DOCK1: variants seen among roughly 807,000 people sequenced by gnomAD.
DOCK1 encodes the protein dedicator of cytokinesis protein 1.
DOCK1 carries 138 observed loss-of-function variants against 262.7 expected under a neutral mutation model. That is an observed-to-expected ratio of 0.53 (90% confidence interval 0.46 to 0.61). The LOEUF (loss-of-function observed/expected upper bound fraction) is 0.61, where lower values mean the gene tolerates loss of function less well. DOCK1 is among the 20% of genes least tolerant of loss of function. DOCK1 has a pLI of 0.00. For synonymous variants in DOCK1, 866 were observed against 867.4 expected, an observed-to-expected ratio of 1.00 and a Z score of 0.03; for missense variants, 1,908 against 2,370.7, an observed-to-expected ratio of 0.80 and a Z score of 4.05.
intron 42 of DOCK1, among the ~76,000 whole-genome samples, chr10:127,410,568 C>T (rs867170421): frequency 1.2e-4 from 18 of 152,234 alleles, no homozygotes; most frequent in South Asian, 2.1e-4. Context: ...CTTCGCTTCA[C>T]CTTTCCTCTG....
intron 24 of DOCK1, 58 bp downstream of exon 24, chr10:127,106,359 T>C: frequency 6.5e-7 from 1 of 1,542,496 alleles, no homozygotes; most frequent in African/African-American, 1.4e-5. Context: ...TCCTTCTCAG[T>C]GTGCTTAGTT....
chr10:127,330,926 A>G (rs143001476), intron 29 of DOCK1, among the ~76,000 whole-genome samples: 35 of 152,344 alleles, frequency 2.3e-4, no homozygotes, highest in Non-Finnish European at 3.5e-4. Context: ...CTCTGATGTC[A>G]AAAGTTCAAA....
intron 3 of DOCK1, among the ~76,000 whole-genome samples, chr10:126,980,450 C>T (rs763682652): frequency 1.3e-5 from 2 of 152,316 alleles, no homozygotes; most frequent in South Asian, 4.1e-4. Flanking sequence ...GTGATCCTCT[C>T]ACCTTGGCTT....
chr10:127,052,593 G>A, intron 21 of DOCK1, 88 bp from the exon 22 acceptor site: 1 of 1,557,730 alleles, frequency 6.4e-7, no homozygotes, highest in Non-Finnish European at 8.8e-7. Context: ...CCAAATAAAA[G>A]TAACCTACTT....
At chr10:127,396,229 A>G (rs1365571037) in intron 38 of DOCK1, among the ~76,000 whole-genome samples, 2 of 127,064 alleles carry the variant, frequency 1.6e-5, no homozygotes, top group Admixed American at 1.5e-4. Context: ...GCCAGTTCAC[A>G]GCTGCAGTGA....
rs1185776447 is a variant in DOCK1 at position 126,909,393 on chromosome 10, T to C, written c.46+3830T>C. On this transcript the variant is annotated intron_variant, in intron 1 of 51. Transcript: ENST00000623213. Reference sequence around the variant, plus strand: ...ACCCTGAGCTGCTGGGCGTGTGGCCTGTGGAACTGAGATAATACATTTGTG... The same window carrying C: ...ACCCTGAGCTGCTGGGCGTGTGGCCCGTGGAACTGAGATAATACATTTGTG... Among the ~76,000 whole-genome samples the C allele has an allele frequency of 3.9e-5, 6 of 152,208 alleles. No individual in the cohort carries two copies. The East Asian group carries it at 1.2e-3, about 29-fold the overall frequency.
intron 27 of DOCK1, among the ~76,000 whole-genome samples, chr10:127,208,327 A>G (rs1564904400): frequency 6.6e-6 from 1 of 152,180 alleles, no homozygotes; most frequent in Non-Finnish European, 1.5e-5. Context: ...TGACAAGACA[A>G]TCCTGGACAG....
intron 40 of DOCK1, among the ~76,000 whole-genome samples, chr10:127,407,582 T>G (rs371399715): frequency 1.3e-5 from 2 of 152,350 alleles, no homozygotes; most frequent in East Asian, 3.9e-4. Context: ...ATCCTTTAGT[T>G]AGACAAATTT....
chr10:127,416,200 C>A (rs779769204), intron 44 of DOCK1, among the ~76,000 whole-genome samples: 10 of 152,242 alleles, frequency 6.6e-5, no homozygotes, highest in Non-Finnish European at 1.2e-4. Context: ...TCACCTACCC[C>A]TCCTGGGGTC....
chr10:126,918,879 GC>G (rs2032828128), intron 1 of DOCK1, among the ~76,000 whole-genome samples: 1 of 110,606 alleles, frequency 9.0e-6, no homozygotes, highest in South Asian at 3.1e-4. Context: ...GGCAGGGTGT[GC>G]AGGTGGGCAC....
intron 49 of DOCK1, among the ~76,000 whole-genome samples, chr10:127,441,350 A>G (rs548586864): frequency 1.3e-5 from 2 of 152,312 alleles, no homozygotes; most frequent in South Asian, 4.1e-4. Context: ...GCAAATCCAC[A>G]GGAACTCACC....
At chr10:127,389,161 T>C in intron 38 of DOCK1, among the ~76,000 whole-genome samples, 1 of 152,174 alleles carries the variant, frequency 6.6e-6, no homozygotes, top group East Asian at 1.9e-4. Flanking sequence ...GTGACTGCGA[T>C]GTGGGGAATC....
chr10:127,075,923 T>C (rs2046506019), intron 23 of DOCK1, among the ~76,000 whole-genome samples: 1 of 152,180 alleles, frequency 6.6e-6, no homozygotes, highest in South Asian at 2.1e-4. Context: ...TATTTACCAG[T>C]GTTTGAGAAG....
intron 23 of DOCK1, among the ~76,000 whole-genome samples, chr10:127,091,874 C>T (rs2047553898): frequency 6.6e-6 from 1 of 152,070 alleles, no homozygotes; most frequent in Non-Finnish European, 1.5e-5. Context: ...CTGTGGGGGC[C>T]CATTCATGCT....
chr10:127,155,531 G>C (rs960146772), intron 27 of DOCK1, among the ~76,000 whole-genome samples: 1 of 152,072 alleles, frequency 6.6e-6, no homozygotes, highest in African/African-American at 2.4e-5. Context: ...TCTCCCGTTG[G>C]CTTTGTCAGG....
chr10:127,195,806 C>A (rs1164750987), intron 27 of DOCK1, among the ~76,000 whole-genome samples: 2 of 152,156 alleles, frequency 1.3e-5, no homozygotes, highest in African/African-American at 4.8e-5. Context: ...CACCTGCGAC[C>A]GCACCGGGTC....
chr10:127,447,419 G>GAC lies in DOCK1; in HGVS notation c.5439_5440insAC (p.Ala1814ThrfsTer23). On this transcript the variant is annotated frameshift_variant, in exon 51 of 52. Coordinates refer to ENST00000623213, the MANE Select transcript of DOCK1 (RefSeq NM_001290223.2). LOFTEE classifies it high-confidence loss of function. ...GCTTGGAGCTGAACGGCATGACGGG[G>GAC]GCGGACGTGGCCGATGTCCCACCCC... 1 of 1,613,106 alleles carries GAC rather than the reference G, an allele frequency of 6.2e-7. No homozygotes were observed. Among genetic ancestry groups the GAC allele is most frequent in the Non-Finnish European group, 8.5e-7 (1 of 1,179,528 alleles).
chr10:126,950,400 C>G (rs2036107300), intron 1 of DOCK1, among the ~76,000 whole-genome samples: 1 of 151,992 alleles, frequency 6.6e-6, no homozygotes, highest in East Asian at 1.9e-4. Flanking sequence ...CTTAGCCTAG[C>G]TGTGACATGT....
chr10:126,992,910 C>G (rs992497128), intron 6 of DOCK1, among the ~76,000 whole-genome samples: 2 of 152,260 alleles, frequency 1.3e-5, no homozygotes, highest in Non-Finnish European at 2.9e-5. Flanking sequence ...TGATAAGTTG[C>G]ACCTTCATAA....
Sources: gnomAD v4.1 joint callset for allele counts (sites outside exome capture counted in the v4.1 genomes callset) on GRCh38, gnomAD v4.1.1 for gene constraint, MANE v1.5 for transcripts, NCBI Gene and HGNC (gene_info 2026-07-23, HGNC 2026-07-21) for gene names.